Variants in ZDHHC21 observed in about 807,000 individuals in gnomAD.
ZDHHC21 encodes the protein zDHHC palmitoyltransferase 21.
Under a neutral mutation model 34.6 loss-of-function variants are expected in ZDHHC21, and 15 were observed. The observed-to-expected ratio is 0.43, with a 90% CI of 0.29 to 0.67. ZDHHC21 has a LOEUF of 0.67. ZDHHC21 is among the 30% of genes least tolerant of loss of function. The pLI is 0.14. For synonymous variants in ZDHHC21, 142 were observed against 101.8 expected (o/e 1.40, Z -2.38); for missense variants, 344 against 327.7 (o/e 1.05, Z -0.38).
intron 2 of ZDHHC21, among the ~76,000 whole-genome samples, chr9:14,681,948 T>C (rs941348328): frequency 1.3e-5 from 2 of 152,110 alleles, no homozygotes; most frequent in Admixed American, 6.5e-5. Context: ...CTAAGCTTCA[T>C]AAGTGAAGGA....
the ZDHHC21 span, among the ~76,000 whole-genome samples, chr9:14,605,775 C>G: frequency 6.6e-6 from 1 of 152,200 alleles, no homozygotes; most frequent in South Asian, 2.1e-4. Context: ...TGAAGATTTT[C>G]CCCTATGTTT....
At chr9:14,598,226 C>G in the ZDHHC21 span, among the ~76,000 whole-genome samples, 4 of 152,132 alleles carry the variant, frequency 2.6e-5, no homozygotes, top group Non-Finnish European at 5.9e-5. Context: ...CCAACTGCCT[C>G]TACCACTGGT....
chr9:14,645,744 AT>A (rs1349728345), intron 7 of ZDHHC21, among the ~76,000 whole-genome samples: 1 of 152,136 alleles, frequency 6.6e-6, no homozygotes, highest in Non-Finnish European at 1.5e-5. Flanking sequence ...AAAAAGTCAA[AT>A]GGGAAAAATA....
intron 7 of ZDHHC21, among the ~76,000 whole-genome samples, chr9:14,645,188 T>C (rs996481094): frequency 9.9e-5 from 15 of 152,056 alleles, no homozygotes; most frequent in African/African-American, 3.6e-4. Flanking sequence ...AAAACTACTG[T>C]TCTACTAGAT....
rs538751164 is a variant in ZDHHC21 at position 14,617,146 on chromosome 9, T to G, written c.*1820A>C. ...TGAACAGTTCTGTCACCAGGCCAAA[T>G]GTGGCCAAATTAGCTTGCACAAAAT... is the stretch of plus-strand genomic sequence containing the variant. On this transcript the variant is annotated 3_prime_UTR_variant, in exon 10 of 10. Coordinates refer to ENST00000380916, the MANE Select transcript of ZDHHC21 (RefSeq NM_178566.6). 2.0e-5 allele frequency: 3 copies of G among 151,974 alleles called. No individual in the cohort carries two copies. The highest frequency in any genetic ancestry group is 7.2e-5 in the African/African-American group (3 of 41,440). The allele number at this position is 151,974 out of a possible 1,614,324, so 9.4% of individuals were successfully genotyped here. A position where few individuals can be genotyped will look rare whatever the true frequency, so the allele number is the denominator to read the frequency against.
At chr9:14,590,080 T>A in the ZDHHC21 span, 3 of 152,098 alleles carry the variant, frequency 2.0e-5, no homozygotes, top group African/African-American at 7.2e-5. Context: ...ATGTATATAA[T>A]TAAAAGAGAA....
intron 8 of ZDHHC21, among the ~76,000 whole-genome samples, chr9:14,628,919 T>C (rs1826808218): frequency 6.6e-6 from 1 of 152,168 alleles, no homozygotes; most frequent in African/African-American, 2.4e-5. Context: ...CTTAAATCAA[T>C]GTGAGGAAGA....
the ZDHHC21 span, among the ~76,000 whole-genome samples, chr9:14,595,167 T>C: frequency 1.8e-3 from 280 of 152,306 alleles, 4 homozygotes; most frequent in African/African-American, 6.4e-3. Flanking sequence ...CTCTTAGGTA[T>C]CTACCCCAGA....
At chr9:14,622,707 A>C in intron 8 of ZDHHC21, 1 of 985,386 alleles carries the variant, frequency 1.0e-6, no homozygotes, top group Non-Finnish European at 1.2e-6. Context: ...AATCGCACAT[A>C]AAGGAATAAA....
rs1835982048 is a variant in ZDHHC21 at position 14,674,363 on chromosome 9, C to G, written c.-23G>C. 1.3e-6 allele frequency: 2 copies of G among 1,575,134 alleles called. No individual in the cohort carries two copies. Among genetic ancestry groups the G allele is most frequent in the African/African-American group, 1.4e-5 (1 of 72,244 alleles). ...CATTTTGCAATCTTATAACTGCCTG[C>G]TAACCCACAAGGAAGGATGATCCTA... On this transcript the variant is annotated 5_prime_UTR_variant, in exon 4 of 10. Coordinates refer to ENST00000380916, the MANE Select transcript of ZDHHC21 (RefSeq NM_178566.6).
At chr9:14,688,885 A>G (rs1249204750) in intron 2 of ZDHHC21, among the ~76,000 whole-genome samples, 1 of 151,912 alleles carries the variant, frequency 6.6e-6, no homozygotes, top group Non-Finnish European at 1.5e-5. Flanking sequence ...AAAAACGAAC[A>G]AACAGAAAAC....
the ZDHHC21 span, among the ~76,000 whole-genome samples, chr9:14,600,438 C>T: frequency 2.6e-5 from 4 of 152,146 alleles, no homozygotes; most frequent in Non-Finnish European, 5.9e-5. Flanking sequence ...AGGAATACAA[C>T]TTACAAGGAA....
chr9:14,685,034 C>T (rs1447717461), intron 2 of ZDHHC21, among the ~76,000 whole-genome samples: 1 of 152,102 alleles, frequency 6.6e-6, no homozygotes, highest in East Asian at 1.9e-4. Flanking sequence ...CTTCCTTAAG[C>T]CTTATACAAA....
chr9:14,644,957 A>G (rs1252733913), intron 7 of ZDHHC21, among the ~76,000 whole-genome samples: 1 of 152,130 alleles, frequency 6.6e-6, no homozygotes, highest in East Asian at 1.9e-4. Context: ...GCAAGGTAGG[A>G]AAGTCGGTTC....
At chr9:14,600,061 C>A in the ZDHHC21 span, among the ~76,000 whole-genome samples, 2 of 152,146 alleles carry the variant, frequency 1.3e-5, no homozygotes, top group Non-Finnish European at 2.9e-5. Flanking sequence ...GCTGAATGGG[C>A]AAAAGCTGGA....
the ZDHHC21 span, among the ~76,000 whole-genome samples, chr9:14,597,151 T>G: frequency 6.6e-6 from 1 of 152,080 alleles, no homozygotes; most frequent in Admixed American, 6.5e-5. Flanking sequence ...TTGTTTTGGA[T>G]GTGTCCCACA....
At chr9:14,622,481 T>G (rs1586897420) in intron 8 of ZDHHC21, 1 of 951,046 alleles carries the variant, frequency 1.1e-6, no homozygotes, top group South Asian at 5.0e-5. Context: ...AAATGAGAGG[T>G]TGCAGGGGGG....
chr9:14,686,158 C>G (rs1157686223), intron 2 of ZDHHC21, among the ~76,000 whole-genome samples: 1 of 151,388 alleles, frequency 6.6e-6, no homozygotes, highest in Non-Finnish European at 1.5e-5. Context: ...ACCTATGTAA[C>G]AAACCTGCAT....
chr9:14,642,740 A>G (rs1242898994), intron 7 of ZDHHC21, among the ~76,000 whole-genome samples: 1 of 152,200 alleles, frequency 6.6e-6, no homozygotes, highest in Admixed American at 6.5e-5. Context: ...TGACACCCTG[A>G]TCTTGGAGTT....
Sources: allele counts gnomAD v4.1 joint callset (sites outside exome capture counted in the v4.1 genomes callset), GRCh38; gene constraint gnomAD v4.1.1; transcripts MANE v1.5; gene names NCBI Gene and HGNC (gene_info 2026-07-23, HGNC 2026-07-21).